The following GABRA2 variants were observed in gnomAD, a reference collection of about 807,000 sequenced individuals.
The protein encoded by GABRA2 is gamma-aminobutyric acid type A receptor subunit alpha2, also known as gamma-aminobutyric acid receptor subunit alpha-2.
In GABRA2, 16 loss-of-function variants were observed where a neutral mutation model predicts 48.7. The ratio of observed to expected loss-of-function variants is 0.33; its 90% CI spans 0.22 to 0.50. The LOEUF (loss-of-function observed/expected upper bound fraction) is 0.50, where lower values mean the gene tolerates loss of function less well. Among genes scored for constraint, GABRA2 ranks in the 20% least tolerant of loss-of-function variants. The pLI is 0.98. For synonymous variants in GABRA2, 185 were observed against 184.5 expected (o/e 1.00, Z -0.02); for missense variants, 275 against 535.6 (o/e 0.51, Z 4.80).
At chr4:46,303,642 G>C in intron 7 of GABRA2, 30 bp from the exon 8 acceptor site, 1 of 1,593,868 alleles carries the variant, frequency 6.3e-7, no homozygotes, top group Non-Finnish European at 8.6e-7. Context: ...AGCTCAAGGA[G>C]TAATAGTCAA....
At chr4:46,324,048 C>G (rs1395695773) in intron 4 of GABRA2, among the ~76,000 whole-genome samples, 1 of 151,932 alleles carries the variant, frequency 6.6e-6, no homozygotes, top group African/African-American at 2.4e-5. Flanking sequence ...CTCGCCTCCT[C>G]TCTTCAACCA....
chr4:46,332,600 T>A lies in GABRA2; in HGVS notation c.255+15A>T. ...CATTATGTGAAGTAAAAATACTATT[T>A]AATGAAAAACTCACCATATCTGTAT... On this transcript the variant is annotated intron_variant, in intron 4 of 9. Coordinates refer to ENST00000381620, the MANE Select transcript of GABRA2 (RefSeq NM_000807.4). 1 of 1,509,806 alleles carries A rather than the reference T, an allele frequency of 6.6e-7. No homozygotes were observed. The highest frequency in any genetic ancestry group is 9.2e-7 in the Non-Finnish European group (1 of 1,087,174). The allele number at this position is 1,509,806 out of a possible 1,614,324, so 93.5% of individuals were successfully genotyped here.
chr4:46,366,844 C>A (rs1714116696), intron 3 of GABRA2: 2 of 152,064 alleles, frequency 1.3e-5, no homozygotes, highest in African/African-American at 2.4e-5. Flanking sequence ...AATACAGAGA[C>A]ATTTTAGGCT....
chr4:46,297,082 G>T (rs1376825964), intron 8 of GABRA2, among the ~76,000 whole-genome samples: 3 of 152,062 alleles, frequency 2.0e-5, no homozygotes, highest in African/African-American at 7.2e-5. Context: ...ACAAACGGTG[G>T]ACTTGTGATG....
intron 3 of GABRA2, among the ~76,000 whole-genome samples, chr4:46,371,179 G>A (rs556548457): frequency 1.9e-4 from 29 of 152,222 alleles, no homozygotes; most frequent in African/African-American, 5.1e-4. Context: ...AAAGTACAAT[G>A]TTTTTCACCA....
At chr4:46,254,942 T>A (rs1715509870) in intron 9 of GABRA2, among the ~76,000 whole-genome samples, 1 of 151,516 alleles carries the variant, frequency 6.6e-6, no homozygotes, top group African/African-American at 2.4e-5. Flanking sequence ...CTCCACATTG[T>A]CCCCTGGTTA....
At chr4:46,331,061 A>G (rs1731271291) in intron 4 of GABRA2, among the ~76,000 whole-genome samples, 1 of 152,176 alleles carries the variant, frequency 6.6e-6, no homozygotes. Flanking sequence ...TGACCCATGG[A>G]AAGAGGCAGA....
intron 8 of GABRA2, among the ~76,000 whole-genome samples, chr4:46,268,447 C>T (rs1318616238): frequency 6.6e-6 from 1 of 151,780 alleles, no homozygotes; most frequent in Non-Finnish European, 1.5e-5. Context: ...AAAAAATGGC[C>T]AACATCACTA....
chr4:46,355,402 C>T (rs929039654), intron 3 of GABRA2, among the ~76,000 whole-genome samples: 2 of 152,096 alleles, frequency 1.3e-5, no homozygotes, highest in Admixed American at 1.3e-4. Flanking sequence ...CAGCAGTTGT[C>T]CTTTCCTTTG....
intron 3 of GABRA2, among the ~76,000 whole-genome samples, chr4:46,362,644 ATGG>A (rs1391217361): frequency 6.6e-6 from 1 of 152,228 alleles, no homozygotes; most frequent in African/African-American, 2.4e-5. Flanking sequence ...TTTAAATGAA[ATGG>A]TGGTAACAGA....
At chr4:46,352,219 T>G (rs2067440301) in intron 3 of GABRA2, among the ~76,000 whole-genome samples, 1 of 151,976 alleles carries the variant, frequency 6.6e-6, no homozygotes, top group East Asian at 1.9e-4. Context: ...ACACATCCAG[T>G]TTGTACTCTC....
At chr4:46,269,848 A>G (rs532430900) in intron 8 of GABRA2, among the ~76,000 whole-genome samples, 11 of 152,062 alleles carry the variant, frequency 7.2e-5, no homozygotes, top group African/African-American at 2.6e-4. Context: ...ATTGTATTAT[A>G]TTCTTTTTCT....
At chr4:46,349,330 T>C (rs1734728487) in intron 3 of GABRA2, among the ~76,000 whole-genome samples, 1 of 151,938 alleles carries the variant, frequency 6.6e-6, no homozygotes, top group Non-Finnish European at 1.5e-5. Context: ...TTTATCTCCT[T>C]GTTGGATATC....
At chr4:46,319,938 A>C (rs1729171973) in intron 4 of GABRA2, among the ~76,000 whole-genome samples, 1 of 151,796 alleles carries the variant, frequency 6.6e-6, no homozygotes, top group African/African-American at 2.4e-5. Context: ...CAATTTCACA[A>C]GTGGAAAATA....
At chr4:46,333,547 C>T (rs1218056466) in intron 3 of GABRA2, among the ~76,000 whole-genome samples, 2 of 152,030 alleles carry the variant, frequency 1.3e-5, no homozygotes, top group Admixed American at 6.6e-5. Context: ...CAAACAATAA[C>T]ATGAATTGTT....
chr4:46,390,068 TGGG>T lies in GABRA2; in HGVS notation c.-347_-345del. ...AGGAGCTGGGGCCGGGGGGGGAAATTGGGGGGACGCGGGCGGAGGCGCGGTGCG... is the reference window on the plus strand; with the variant it reads ...AGGAGCTGGGGCCGGGGGGGGAAATTGGGACGCGGGCGGAGGCGCGGTGCG... On this transcript the variant is annotated 5_prime_UTR_variant, in exon 1 of 10. Coordinates refer to ENST00000381620, the MANE Select transcript of GABRA2 (RefSeq NM_000807.4). 2.6e-5 allele frequency: 2 copies of T among 77,506 alleles called. No homozygotes were observed. Among genetic ancestry groups the T allele is most frequent in the African/African-American group, 2.4e-4 (1 of 4,182 alleles). The allele number at this position is 77,506 out of a possible 1,614,324, so 4.8% of individuals were successfully genotyped here.
At chr4:46,278,052 A>G (rs973756832) in intron 8 of GABRA2, among the ~76,000 whole-genome samples, 4 of 152,202 alleles carry the variant, frequency 2.6e-5, no homozygotes, top group Non-Finnish European at 5.9e-5. Context: ...AAATGTAAGA[A>G]GTAGTTTTGT....
rs1184329742 is a variant in GABRA2 at position 46,253,435 on chromosome 4, T to G, written c.1060-2831A>C. ...CCCTGCATATTTGTATGTTGGCACT[T>G]TTTGTTTTATGCTAACACTGTGGAC... On this transcript the variant is annotated intron_variant, in intron 9 of 9. Transcript: ENST00000381620. 2.0e-5 allele frequency among the ~76,000 whole-genome samples: 3 copies of G among 151,552 alleles called. No individual in the cohort carries two copies. The East Asian group carries it at 5.9e-4, about 30-fold the overall frequency.
intron 8 of GABRA2, among the ~76,000 whole-genome samples, chr4:46,274,809 G>C (rs1427979140): frequency 6.6e-6 from 1 of 152,068 alleles, no homozygotes; most frequent in Non-Finnish European, 1.5e-5. Flanking sequence ...GCCCTATGTA[G>C]AATCTGTCAA....
Sources: gnomAD v4.1 joint callset for allele counts (sites outside exome capture counted in the v4.1 genomes callset) on GRCh38, gnomAD v4.1.1 for gene constraint, MANE v1.5 for transcripts, NCBI Gene and HGNC (gene_info 2026-07-23, HGNC 2026-07-21) for gene names.